The following CPA6 variants were observed in gnomAD, a reference collection of about 807,000 sequenced individuals.
CPA6 encodes the protein carboxypeptidase B.
CPA6 carries 58 observed loss-of-function variants against 63.3 expected under a neutral mutation model. That is an observed-to-expected ratio of 0.92 (90% confidence interval 0.74 to 1.14). The LOEUF (loss-of-function observed/expected upper bound fraction) is 1.14, where lower values mean the gene tolerates loss of function less well. CPA6 is among the 50% of genes most tolerant of loss of function. The pLI, the probability that CPA6 is intolerant of heterozygous loss-of-function variation, is 0.00. For synonymous variants in CPA6, 185 were observed against 179.0 expected, an observed-to-expected ratio of 1.03 and a Z score of -0.27; for missense variants, 565 against 526.6, an observed-to-expected ratio of 1.07 and a Z score of -0.71.
At chr8:67,672,260 C>A (rs1434186750) in intron 1 of CPA6, among the ~76,000 whole-genome samples, 1 of 152,136 alleles carries the variant, frequency 6.6e-6, no homozygotes, top group Non-Finnish European at 1.5e-5. Context: ...CCAAAGGAGT[C>A]TAAATATAAC....
intron 2 of CPA6, among the ~76,000 whole-genome samples, chr8:67,592,793 T>C (rs911581869): frequency 1.3e-5 from 2 of 152,208 alleles, no homozygotes; most frequent in African/African-American, 4.8e-5. Context: ...TTATTAGTCT[T>C]GCTAGTGGTC....
intron 1 of CPA6, among the ~76,000 whole-genome samples, chr8:67,637,035 G>T (rs1016633451): frequency 6.6e-6 from 1 of 151,628 alleles, no homozygotes. Context: ...TCTCCCTGTG[G>T]CAGTTTGCTT....
intron 2 of CPA6, among the ~76,000 whole-genome samples, chr8:67,531,539 T>C (rs1183903728): frequency 6.6e-6 from 1 of 152,130 alleles, no homozygotes; most frequent in Non-Finnish European, 1.5e-5. Flanking sequence ...AGTGAACATA[T>C]ATGAATATAA....
At chr8:67,637,906 C>T (rs1815506117) in intron 1 of CPA6, among the ~76,000 whole-genome samples, 1 of 151,248 alleles carries the variant, frequency 6.6e-6, no homozygotes, top group African/African-American at 2.5e-5. Flanking sequence ...AGGAATTTAT[C>T]TGCCAGCATA....
At chr8:67,538,157 TTC>T (rs1812627396) in intron 2 of CPA6, among the ~76,000 whole-genome samples, 1 of 152,230 alleles carries the variant, frequency 6.6e-6, no homozygotes, top group African/African-American at 2.4e-5. Flanking sequence ...AGAATGTATA[TTC>T]TGTCAATTCA....
chr8:67,720,281 T>C (rs1450123206), intron 1 of CPA6, among the ~76,000 whole-genome samples: 1 of 152,114 alleles, frequency 6.6e-6, no homozygotes, highest in Non-Finnish European at 1.5e-5. Flanking sequence ...TCTTTTGTGG[T>C]GGAATGTCAT....
intron 2 of CPA6, among the ~76,000 whole-genome samples, chr8:67,540,921 G>T (rs1186896262): frequency 6.6e-6 from 1 of 152,220 alleles, no homozygotes; most frequent in Non-Finnish European, 1.5e-5. Flanking sequence ...TCAAGCCAGT[G>T]GATCTTAGCT....
intron 1 of CPA6, among the ~76,000 whole-genome samples, chr8:67,692,285 G>A (rs533511312): frequency 1.4e-5 from 2 of 144,050 alleles, no homozygotes; most frequent in East Asian, 2.0e-4. Context: ...GCGGTGAGCC[G>A]AGATTGTACT....
chr8:67,454,724 T>C (rs1045053621), intron 8 of CPA6, among the ~76,000 whole-genome samples: 1 of 152,132 alleles, frequency 6.6e-6, no homozygotes, highest in Non-Finnish European at 1.5e-5. Context: ...GGAGAGGAAA[T>C]TTAGTCTTGT....
chr8:67,677,799 T>A lies in CPA6; in HGVS notation c.117-53548A>T, dbSNP rs114918370. Among the ~76,000 whole-genome samples the A allele has an allele frequency of 6.8e-3, 1,032 of 151,772 alleles. 8 individuals are homozygous for A. The highest frequency in any genetic ancestry group is 0.024 in the African/African-American group (974 of 41,364). On this transcript the variant is annotated intron_variant, in intron 1 of 10. Coordinates refer to ENST00000297770, the MANE Select transcript of CPA6 (RefSeq NM_020361.5). ...CTATCAGAGAAAAATAAATATTGAC[T>A]CTCTCTTTTACACAGTCTACAAAAA... is the stretch of plus-strand genomic sequence containing the variant.
intron 6 of CPA6, among the ~76,000 whole-genome samples, chr8:67,497,844 A>G (rs1343114861): frequency 6.6e-6 from 1 of 152,056 alleles, no homozygotes; most frequent in East Asian, 1.9e-4. Flanking sequence ...GGCATGCACC[A>G]CCATGGCCAG....
intron 1 of CPA6, among the ~76,000 whole-genome samples, chr8:67,741,436 C>T (rs1040666446): frequency 1.3e-5 from 2 of 152,152 alleles, no homozygotes; most frequent in Non-Finnish European, 2.9e-5. Context: ...CAGCAGGGGT[C>T]CCAAAACTCC....
At chr8:67,511,294 T>C (rs1181501711) in intron 4 of CPA6, among the ~76,000 whole-genome samples, 30 of 152,198 alleles carry the variant, frequency 2.0e-4, no homozygotes. Context: ...CTATGTCCTA[T>C]GTAAAAGTGG....
intron 5 of CPA6, 30 bp downstream of exon 5, chr8:67,509,487 T>C: frequency 2.0e-6 from 2 of 992,382 alleles, no homozygotes; most frequent in East Asian, 2.5e-5. Flanking sequence ...GTAAACATTA[T>C]GTATTTACAC....
At chr8:67,570,590 G>A (rs2128976287) in intron 2 of CPA6, among the ~76,000 whole-genome samples, 1 of 152,332 alleles carries the variant, frequency 6.6e-6, no homozygotes, top group African/African-American at 2.4e-5. Flanking sequence ...AAAGTTTAGA[G>A]TTGTACGCAA....
chr8:67,578,221 A>G (rs1239465102), intron 2 of CPA6, among the ~76,000 whole-genome samples: 1 of 152,218 alleles, frequency 6.6e-6, no homozygotes, highest in Non-Finnish European at 1.5e-5. Context: ...TGGCGGGTTT[A>G]GAAGGACACC....
intron 8 of CPA6, among the ~76,000 whole-genome samples, chr8:67,475,870 TCTTTCTTTCTC>T (rs1324414623): frequency 7.6e-5 from 7 of 92,198 alleles, no homozygotes; most frequent in East Asian, 6.0e-4. Flanking sequence ...TTTCTTTCTT[TCTTTCTTTCTC>T]CTTTCTTTCT....
In CPA6 at chr8:67,725,240, G is replaced by A. The variant is rs563235507; in HGVS notation, c.116+20774C>T. On this transcript the variant is annotated intron_variant, in intron 1 of 10. Coordinates refer to ENST00000297770, the MANE Select transcript of CPA6 (RefSeq NM_020361.5). ...TACTTGTTCATTGTTTGTTTCCCTCGTGAAATTATGGGCTTCACAAAACAG... is the reference window on the plus strand; with the variant it reads ...TACTTGTTCATTGTTTGTTTCCCTCATGAAATTATGGGCTTCACAAAACAG... 7.9e-5 allele frequency among the ~76,000 whole-genome samples: 12 copies of A among 152,244 alleles called. No individual in the cohort carries two copies. In the South Asian group the frequency reaches 1.9e-3, roughly 24 times the overall value.
intron 9 of CPA6, among the ~76,000 whole-genome samples, chr8:67,430,542 A>G (rs1810004859): frequency 1.3e-5 from 2 of 152,204 alleles, no homozygotes; most frequent in Admixed American, 6.5e-5. Flanking sequence ...TATTGATGGA[A>G]TGTTTTTAAA....
Sources: gnomAD v4.1 joint callset for allele counts (sites outside exome capture counted in the v4.1 genomes callset) on GRCh38, gnomAD v4.1.1 for gene constraint, MANE v1.5 for transcripts, NCBI Gene and HGNC (gene_info 2026-07-23, HGNC 2026-07-21) for gene names.